Variants in SESN1 observed in about 807,000 individuals in gnomAD.
The protein encoded by SESN1 is sestrin 1.
SESN1 carries 30 observed loss-of-function variants against 59.3 expected under a neutral mutation model. The ratio of observed to expected loss-of-function variants is 0.51; its 90% confidence interval spans 0.38 to 0.69. The LOEUF (loss-of-function observed/expected upper bound fraction) is 0.69, where lower values mean the gene tolerates loss of function less well. Among genes scored for constraint, SESN1 ranks in the 30% least tolerant of loss-of-function variants. The pLI is 0.00. For missense variants in SESN1, 566 were observed against 673.0 expected, an observed-to-expected ratio of 0.84 and a Z score of 1.76; for synonymous variants, 197 against 219.9, an observed-to-expected ratio of 0.90 and a Z score of 0.92.
At chr6:109,048,037 T>C (rs2114434698) in intron 1 of SESN1, among the ~76,000 whole-genome samples, 1 of 149,686 alleles carries the variant, frequency 6.7e-6, no homozygotes, top group South Asian at 2.2e-4. Flanking sequence ...CCTCCACTAT[T>C]GTCCCATGAC....
chr6:109,044,543 T>A (rs566119642), intron 1 of SESN1, among the ~76,000 whole-genome samples: 2 of 151,850 alleles, frequency 1.3e-5, no homozygotes, highest in South Asian at 4.2e-4. Context: ...CTAAAAAACA[T>A]CTAGAAGAAA....
Position 109,040,928 on chromosome 6 carries a change from A to G in SESN1, c.280-38585T>C, listed in dbSNP as rs570404809. 8.5e-5 allele frequency among the ~76,000 whole-genome samples: 13 copies of G among 152,166 alleles called. No individual in the cohort carries two copies. In the East Asian group the frequency reaches 2.5e-3, roughly 30 times the overall value. ...CAGCCTCCCAAAGTGCTGGGATTAC[A>G]GGCGTGAGCCACCGCACCTGGCCCA... On this transcript the variant is annotated intron_variant, in intron 1 of 9. Transcript: ENST00000436639.
Position 109,075,209 on chromosome 6 carries a change from G to A in SESN1, c.279+18586C>T, listed in dbSNP as rs145809738. 3.4e-3 allele frequency among the ~76,000 whole-genome samples: 525 copies of A among 152,292 alleles called. 2 individuals are homozygous for A. The highest frequency in any genetic ancestry group is 0.012 in the African/African-American group (490 of 41,564). On this transcript the variant is annotated intron_variant, in intron 1 of 9. Transcript: ENST00000436639. ...TAAATCACAGCTCTCTTCATAGTAT[G>A]CAGGAAGGACTCTTTTCCTAACTCC... is the stretch of plus-strand genomic sequence containing the variant.
chr6:108,987,709 A>G (rs1779237196), intron 9 of SESN1, 79 bp from the exon 10 acceptor site: 2 of 759,108 alleles, frequency 2.6e-6, no homozygotes, highest in Admixed American at 3.9e-5. Flanking sequence ...TAATGAACAC[A>G]TAAAATAAGT....
chr6:108,992,934 T>C, intron 6 of SESN1, 35 bp from the exon 7 acceptor site: 6 of 1,343,968 alleles, frequency 4.5e-6, no homozygotes, highest in Non-Finnish European at 5.3e-6. Context: ...TTTTTAAAAA[T>C]AGGATGCTAG....
intron 1 of SESN1, among the ~76,000 whole-genome samples, chr6:109,053,349 G>A (rs1297614265): frequency 2.6e-5 from 4 of 152,054 alleles, no homozygotes; most frequent in Admixed American, 2.6e-4. Context: ...TAAGACAACA[G>A]AGCGCTTAAG....
intron 1 of SESN1, among the ~76,000 whole-genome samples, chr6:109,055,678 A>G (rs1035175890): frequency 4.6e-5 from 7 of 151,308 alleles, no homozygotes; most frequent in African/African-American, 9.7e-5. Flanking sequence ...AAAAAAAAAA[A>G]AAAAGAAAGA....
intron 1 of SESN1, among the ~76,000 whole-genome samples, chr6:109,007,942 T>A (rs977791643): frequency 6.6e-6 from 1 of 152,180 alleles, no homozygotes; most frequent in African/African-American, 2.4e-5. Context: ...AAAAGCATTA[T>A]GGAAGCTAGC....
At chr6:109,074,268 C>T (rs1027817003) in intron 1 of SESN1, among the ~76,000 whole-genome samples, 1 of 151,426 alleles carries the variant, frequency 6.6e-6, no homozygotes, top group Non-Finnish European at 1.5e-5. Context: ...TGTCATTAAG[C>T]AACACATAAC....
At chr6:109,028,686 C>G (rs1270206741) in intron 1 of SESN1, among the ~76,000 whole-genome samples, 1 of 152,152 alleles carries the variant, frequency 6.6e-6, no homozygotes, top group African/African-American at 2.4e-5. Context: ...ACATGGAAGA[C>G]TGGGCAACAC....
At chr6:109,030,205 C>G (rs1780161129) in intron 1 of SESN1, among the ~76,000 whole-genome samples, 1 of 152,128 alleles carries the variant, frequency 6.6e-6, no homozygotes, top group Admixed American at 6.5e-5. Context: ...TAGTACATAA[C>G]AAGAAAGCCA....
intron 1 of SESN1, among the ~76,000 whole-genome samples, chr6:109,066,778 C>T (rs1432639794): frequency 6.6e-6 from 1 of 152,024 alleles, no homozygotes; most frequent in Non-Finnish European, 1.5e-5. Context: ...AAACATGCTG[C>T]AATAGTGAAA....
chr6:109,006,827 T>A (rs1388746424), intron 1 of SESN1, among the ~76,000 whole-genome samples: 2 of 152,210 alleles, frequency 1.3e-5, no homozygotes, highest in African/African-American at 4.8e-5. Context: ...AATGGGGTGA[T>A]CATAAGCCAA....
At chr6:109,073,247 C>T (rs781282073) in intron 1 of SESN1, among the ~76,000 whole-genome samples, 27 of 152,074 alleles carry the variant, frequency 1.8e-4, no homozygotes, top group Admixed American at 9.2e-4. Flanking sequence ...GTAAGCTCTA[C>T]GAGGGTAGTG....
chr6:109,020,611 C>T (rs1458791573), intron 1 of SESN1, among the ~76,000 whole-genome samples: 2 of 151,910 alleles, frequency 1.3e-5, no homozygotes, highest in Non-Finnish European at 2.9e-5. Flanking sequence ...TTATTTCTAT[C>T]ACTCAATACA....
intron 1 of SESN1, among the ~76,000 whole-genome samples, chr6:109,026,018 A>C (rs956032487): frequency 5.9e-5 from 9 of 151,996 alleles, no homozygotes; most frequent in Non-Finnish European, 1.3e-4. Context: ...ACCTTGGCCT[A>C]CAGTAAAACT....
intron 6 of SESN1, among the ~76,000 whole-genome samples, chr6:108,994,177 G>GC (rs1779453133): frequency 6.7e-6 from 1 of 149,838 alleles, no homozygotes; most frequent in South Asian, 2.1e-4. Flanking sequence ...AAAAAAGAGG[G>GC]CACTCATATG....
intron 1 of SESN1, among the ~76,000 whole-genome samples, chr6:109,092,603 T>C (rs771073150): frequency 6.6e-6 from 1 of 152,162 alleles, no homozygotes; most frequent in Non-Finnish European, 1.5e-5. Context: ...ATGGATCATA[T>C]AGTCAGTCCT....
rs190604118 is a variant in SESN1, at chr6:109,017,856, A to G, written c.280-15513T>C. On this transcript the variant is annotated intron_variant, in intron 1 of 9. Coordinates refer to ENST00000436639, the MANE Select transcript of SESN1 (RefSeq NM_014454.3). ...ATCTCTCAAACTTTATTTCAGCTCT[A>G]AAGTTCTAATCTTTTAATATAATTC... 1.5e-4 allele frequency among the ~76,000 whole-genome samples: 23 copies of G among 152,280 alleles called. No individual in the cohort carries two copies. The East Asian group carries it at 2.5e-3, about 17-fold the overall frequency.
Sources: gnomAD v4.1 joint callset for allele counts (sites outside exome capture counted in the v4.1 genomes callset) on GRCh38, gnomAD v4.1.1 for gene constraint, MANE v1.5 for transcripts, NCBI Gene and HGNC (gene_info 2026-07-23, HGNC 2026-07-21) for gene names.